The following PRKCH variants were observed in gnomAD, a reference collection of about 807,000 sequenced individuals.
PRKCH encodes the protein protein kinase C eta type.
Under a neutral mutation model 82.5 loss-of-function variants are expected in PRKCH, and 28 were observed. That is an observed-to-expected ratio of 0.34 (90% CI 0.25 to 0.47). The LOEUF (loss-of-function observed/expected upper bound fraction) is 0.47. Ranked by LOEUF, PRKCH falls within the 20% of genes least tolerant of loss-of-function variation. The probability of loss-of-function intolerance (pLI) is 1.00; values close to 1 mark genes in which losing one functional copy is unlikely to be tolerated. For synonymous variants in PRKCH, 322 were observed against 327.4 expected, an observed-to-expected ratio of 0.98 and a Z score of 0.18; for missense variants, 705 against 881.8, an observed-to-expected ratio of 0.80 and a Z score of 2.54.
chr14:61,471,485 C>T (rs1230083010), intron 9 of PRKCH, among the ~76,000 whole-genome samples: 4 of 152,002 alleles, frequency 2.6e-5, no homozygotes, highest in Admixed American at 2.0e-4. Flanking sequence ...TAGCCATCAT[C>T]GCCACTCAGA....
At chr14:61,534,556 G>A (rs745936402) in intron 12 of PRKCH, among the ~76,000 whole-genome samples, 1 of 152,186 alleles carries the variant, frequency 6.6e-6, no homozygotes, top group African/African-American at 2.4e-5. Flanking sequence ...TCTAAAAACA[G>A]TAGGGAAATC....
At chr14:61,408,433 T>G (rs1315165885) in intron 2 of PRKCH, among the ~76,000 whole-genome samples, 1 of 152,140 alleles carries the variant, frequency 6.6e-6, no homozygotes, top group Admixed American at 6.5e-5. Context: ...AGTCAAAATT[T>G]CCTGGGAATT....
chr14:61,230,569 AT>A (rs1407806073), intron 1 of PRKCH, among the ~76,000 whole-genome samples: 1 of 152,150 alleles, frequency 6.6e-6, no homozygotes, highest in African/African-American at 2.4e-5. Context: ...GTATCAGATC[AT>A]TTAAATTGCA....
At chr14:61,209,363 T>C (rs1053408028) in intron 1 of PRKCH, among the ~76,000 whole-genome samples, 3 of 138,860 alleles carry the variant, frequency 2.2e-5, no homozygotes, top group Non-Finnish European at 3.1e-5. Flanking sequence ...AAGAAGGCCC[T>C]CATCAGCAAC....
chr14:61,261,618 T>C (rs2045044782), intron 1 of PRKCH, among the ~76,000 whole-genome samples: 1 of 152,214 alleles, frequency 6.6e-6, no homozygotes, highest in Non-Finnish European at 1.5e-5. Context: ...ACTTGGCACA[T>C]TCTACCATCA....
chr14:61,320,823 C>A (rs138067322), upstream of PRKCH, among the ~76,000 whole-genome samples: 150 of 152,336 alleles, frequency 9.8e-4, no homozygotes, highest in African/African-American at 3.5e-3. Flanking sequence ...GAGGCAATTT[C>A]TTCCGCGTGT....
intron 1 of PRKCH, among the ~76,000 whole-genome samples, chr14:61,282,594 G>A (rs1453870158): frequency 2.0e-5 from 3 of 152,166 alleles, no homozygotes; most frequent in African/African-American, 7.2e-5. Context: ...CAAGGCATTT[G>A]CAGTTTGATA....
At chr14:61,519,872 G>A (rs1181174725) in intron 10 of PRKCH, among the ~76,000 whole-genome samples, 4 of 138,400 alleles carry the variant, frequency 2.9e-5, no homozygotes, top group Non-Finnish European at 4.7e-5. Context: ...AATTTCTGTG[G>A]TAAAAAAAAA....
intron 1 of PRKCH, among the ~76,000 whole-genome samples, chr14:61,377,835 A>G (rs2046445398): frequency 6.6e-6 from 1 of 152,098 alleles, no homozygotes; most frequent in South Asian, 2.1e-4. Context: ...CTTCTAGACC[A>G]TAGCTGTCTG....
Position 61,308,904 on chromosome 14 carries a change from C to A in PRKCH, c.-19+121236C>A, listed in dbSNP as rs552519022. Among the ~76,000 whole-genome samples the A allele has an allele frequency of 1.2e-4, 18 of 152,076 alleles. 1 individual carries two copies. The highest frequency in any genetic ancestry group is 7.2e-4 in the Admixed American group (11 of 15,300). On this transcript the variant is annotated intron_variant, in intron 1 of 3. Coordinates refer to the PRKCH transcript ENST00000555185. Reference sequence around the variant, plus strand: ...TCAGCCTCCCACAATGCTGGGATTACAGGCATAAGACATCACGTCCAGCCT... The same window carrying A: ...TCAGCCTCCCACAATGCTGGGATTAAAGGCATAAGACATCACGTCCAGCCT...
chr14:61,528,754 A>C, intron 10 of PRKCH: 1 of 195,154 alleles, frequency 5.1e-6, no homozygotes. Flanking sequence ...TAGGCTGAGT[A>C]TGAGGTAAGT....
intron 10 of PRKCH, among the ~76,000 whole-genome samples, chr14:61,502,304 G>T (rs952931291): frequency 5.3e-5 from 8 of 151,822 alleles, no homozygotes; most frequent in African/African-American, 1.5e-4. Flanking sequence ...CTCGTGATCC[G>T]CACACCCCAG....
At chr14:61,248,317 A>T (rs2044905992) in intron 1 of PRKCH, among the ~76,000 whole-genome samples, 3 of 152,216 alleles carry the variant, frequency 2.0e-5, no homozygotes, top group African/African-American at 7.2e-5. Flanking sequence ...CAACCATCAA[A>T]ATAATCTGGA....
At chr14:61,323,834 T>C (rs772470497) in intron 1 of PRKCH, among the ~76,000 whole-genome samples, 3 of 152,214 alleles carry the variant, frequency 2.0e-5, no homozygotes, top group Non-Finnish European at 4.4e-5. Flanking sequence ...GGAAATGAAA[T>C]AGAAGTGAGT....
chr14:61,265,090 A>T (rs577298033), intron 1 of PRKCH, among the ~76,000 whole-genome samples: 1 of 152,178 alleles, frequency 6.6e-6, no homozygotes, highest in South Asian at 2.1e-4. Context: ...AATCCAAAAC[A>T]ATCCTCAACA....
intron 9 of PRKCH, among the ~76,000 whole-genome samples, chr14:61,477,740 C>T (rs1329640672): frequency 2.0e-5 from 3 of 152,172 alleles, no homozygotes; most frequent in African/African-American, 7.2e-5. Flanking sequence ...GCAAGCATTT[C>T]CCAGAAAGAA....
chr14:61,487,547 TC>T (rs1453994430), intron 10 of PRKCH, among the ~76,000 whole-genome samples: 4 of 152,132 alleles, frequency 2.6e-5, no homozygotes, highest in African/African-American at 9.7e-5. Context: ...ATTTTTGTTC[TC>T]CTCTCCGCGG....
At chr14:61,518,747 A>G (rs967770551) in intron 10 of PRKCH, among the ~76,000 whole-genome samples, 1 of 152,200 alleles carries the variant, frequency 6.6e-6, no homozygotes, top group African/African-American at 2.4e-5. Flanking sequence ...CCAGAACAGG[A>G]TGAAGACCAA....
Position 61,416,053 on chromosome 14 carries a change from C to CTTTTTTTTTTTTTTTTTTTTTTTTTT in PRKCH, c.427+24786_427+24787insTTTTTTTTTTTTTTTTTTTTTTTTTT, listed in dbSNP as rs71117815. On this transcript the variant is annotated intron_variant, in intron 2 of 13. Transcript: ENST00000332981. ...CCTCTTTTTTCTTTTCTTTTCTTTT[C>CTTTTTTTTTTTTTTTTTTTTTTTTTT]TTTTTTTTTTTTTTTTTTTTTGAGA... Among the ~76,000 whole-genome samples the CTTTTTTTTTTTTTTTTTTTTTTTTTT allele has an allele frequency of 3.4e-4, 32 of 94,150 alleles. 1 individual carries two copies. Among genetic ancestry groups the CTTTTTTTTTTTTTTTTTTTTTTTTTT allele is most frequent in the Non-Finnish European group, 5.2e-4 (27 of 51,682 alleles). 61.8% of individuals were successfully genotyped at this position (94,150 alleles called of 152,430 possible).
Sources: allele counts gnomAD v4.1 joint callset (sites outside exome capture counted in the v4.1 genomes callset), GRCh38; gene constraint gnomAD v4.1.1; transcripts MANE v1.5; gene names NCBI Gene and HGNC (gene_info 2026-07-23, HGNC 2026-07-21).